Variants in CEP126 observed in about 807,000 individuals in gnomAD.
CEP126 encodes centrosomal protein 126, also known as centrosomal protein of 126 kDa.
CEP126 carries 74 observed loss-of-function variants against 107.8 expected under a neutral mutation model. The observed-to-expected ratio is 0.69, with a 90% confidence interval of 0.57 to 0.83. CEP126 has a LOEUF of 0.83. Ranked by LOEUF, CEP126 falls within the 40% of genes least tolerant of loss-of-function variation. CEP126 has a pLI of 0.00. For missense variants in CEP126, 1,237 were observed against 1,281.9 expected, an observed-to-expected ratio of 0.96 and a Z score of 0.53; for synonymous variants, 449 against 446.0, an observed-to-expected ratio of 1.01 and a Z score of -0.08.
intron 6 of CEP126, among the ~76,000 whole-genome samples, chr11:101,965,115 C>G (rs1941044226): frequency 6.6e-6 from 1 of 151,976 alleles, no homozygotes; most frequent in African/African-American, 2.4e-5. Flanking sequence ...ATGCCATTGC[C>G]CTTACTAGCT....
At chr11:101,980,152 C>T (rs1406890923) in intron 7 of CEP126, among the ~76,000 whole-genome samples, 1 of 152,054 alleles carries the variant, frequency 6.6e-6, no homozygotes, top group Non-Finnish European at 1.5e-5. Context: ...AATCACATTA[C>T]CCATATATTT....
At chr11:101,944,027 A>G (rs1409547301) in intron 2 of CEP126, among the ~76,000 whole-genome samples, 1 of 152,126 alleles carries the variant, frequency 6.6e-6, no homozygotes, top group Non-Finnish European at 1.5e-5. Context: ...CAGAAATTAG[A>G]AAGGGCTGCA....
rs1471301180 is a variant in CEP126 at position 101,921,775 on chromosome 11, T to G, written c.129-866T>G. 3.4e-4 allele frequency among the ~76,000 whole-genome samples: 48 copies of G among 142,682 alleles called. 1 individual carries two copies. The highest frequency in any genetic ancestry group is 6.9e-4 in the Non-Finnish European group (45 of 65,448). The allele number at this position is 142,682 out of a possible 152,430, so 93.6% of individuals were successfully genotyped here. Reference sequence around the variant, plus strand: ...GTCCTCTTTATCTGAAGTTCATGATTTCTTTTTTTTTTTTTTTTTTTTTTT... The same window carrying G: ...GTCCTCTTTATCTGAAGTTCATGATGTCTTTTTTTTTTTTTTTTTTTTTTT... On this transcript the variant is annotated intron_variant, in intron 1 of 10. Coordinates refer to ENST00000263468, the MANE Select transcript of CEP126 (RefSeq NM_020802.4).
At position 101,962,078 on chromosome 11, in the gene CEP126, A is replaced by G. The variant is rs780916857; in HGVS notation, c.1043A>G (p.Gln348Arg). The G allele has an allele frequency of 2.5e-6, 4 of 1,612,824 alleles. No homozygotes were observed. The highest frequency in any genetic ancestry group is 3.4e-6 in the Non-Finnish European group (4 of 1,179,466). The change falls in exon 6 of 11, where the codon CAA becomes CGA. Residue 348 changes from glutamine (Q) to arginine (R), a missense_variant. This residue lies in a region of CEP126 where 1,134 missense variants were observed against 1,150.5 expected (regional missense o/e 0.99). Coordinates refer to ENST00000263468, the MANE Select transcript of CEP126 (RefSeq NM_020802.4). ...TGGGAATATTTTAATAGTAAAGAAC[A>G]AAATCCATCTCCTTTGAATGGAACA... Reference protein sequence around the residue: ...PSWEYFNSKEQNPSPLNGTVE... With the variant: ...PSWEYFNSKERNPSPLNGTVE...
chr11:101,963,342 T>C lies in CEP126; in HGVS notation c.2307T>C (p.Phe769=). 6.2e-7 allele frequency: 1 copy of C among 1,614,076 alleles called. No homozygotes were observed. Among genetic ancestry groups the C allele is most frequent in the Non-Finnish European group, 8.5e-7 (1 of 1,180,022 alleles). Residue 769 remains phenylalanine, a synonymous_variant, in exon 6 of 11, where the codon TTT becomes TTC. Coordinates refer to ENST00000263468, the MANE Select transcript of CEP126 (RefSeq NM_020802.4). ...GATCTGCAAAAGTCCAATCAGGCTTTATATGTACAAACAGAAAAGGCGCTG... is the reference window on the plus strand; with the variant it reads ...GATCTGCAAAAGTCCAATCAGGCTTCATATGTACAAACAGAAAAGGCGCTG... ...KPGSAKVQSG[F]ICTNRKGAVI... is the part of the protein sequence containing the mutation.
chr11:101,992,812 CA>C lies in CEP126; in HGVS notation c.3284del (p.Asn1095IlefsTer5). 2 of 1,535,802 alleles carry C rather than the reference CA, an allele frequency of 1.3e-6. No individual in the cohort carries two copies. Among genetic ancestry groups the C allele is most frequent in the South Asian group, 2.6e-5 (2 of 78,310 alleles). ...AATCCATTTGCAAAAACCCATCCAT[CA>C]AAAATACTTTACAAATAATACCACT... ...QESICKNPSI[K>X]NTLQIIPLLE... is the part of the protein sequence containing the mutation. On this transcript the variant is annotated frameshift_variant, in exon 10 of 11. Coordinates refer to ENST00000263468, the MANE Select transcript of CEP126 (RefSeq NM_020802.4). LOFTEE classifies it high-confidence loss of function.
chr11:101,994,096 G>C (rs982448978), intron 10 of CEP126, among the ~76,000 whole-genome samples: 22 of 152,106 alleles, frequency 1.4e-4, no homozygotes, highest in African/African-American at 5.1e-4. Context: ...CTAGCCAGGC[G>C]TGGTGGTGTG....
chr11:101,963,325 A>G lies in CEP126; in HGVS notation c.2290A>G (p.Lys764Glu), dbSNP rs138416296. 6.8e-6 allele frequency: 11 copies of G among 1,613,896 alleles called. No individual in the cohort carries two copies. Among genetic ancestry groups the G allele is most frequent in the African/African-American group, 2.7e-5 (2 of 74,994 alleles). Reference sequence around the variant, plus strand: ...AATAATTAGAAAACCAGGATCTGCAAAAGTCCAATCAGGCTTTATATGTAC... The same window carrying G: ...AATAATTAGAAAACCAGGATCTGCAGAAGTCCAATCAGGCTTTATATGTAC... ...AKIIRKPGSA[K>E]VQSGFICTNR... Residue 764 changes from lysine to glutamate, a missense_variant, in exon 6 of 11, where the codon AAA becomes GAA. Physicochemically the swap from Lys to Glu is moderately conservative, Grantham distance 56. This residue lies in a region of CEP126 where 1,134 missense variants were observed against 1,150.5 expected (regional missense o/e 0.99). Coordinates refer to ENST00000263468, the MANE Select transcript of CEP126 (RefSeq NM_020802.4).
chr11:101,919,110 A>G (rs1167360766), intron 1 of CEP126, among the ~76,000 whole-genome samples: 1 of 152,204 alleles, frequency 6.6e-6, no homozygotes, highest in Non-Finnish European at 1.5e-5. Context: ...AAACACAATC[A>G]GATTTGCATT....
intron 9 of CEP126, among the ~76,000 whole-genome samples, chr11:101,990,185 T>C (rs1941361744): frequency 2.0e-5 from 2 of 98,290 alleles, no homozygotes; most frequent in African/African-American, 3.9e-5. Context: ...CTCAGATTCT[T>C]CTCCGTGGAT....
At chr11:101,925,914 C>T (rs1180249642) in intron 2 of CEP126, among the ~76,000 whole-genome samples, 1 of 150,618 alleles carries the variant, frequency 6.6e-6, no homozygotes, top group Non-Finnish European at 1.5e-5. Context: ...CTCGGCCTCC[C>T]AAACTGCTGG....
chr11:101,918,047 G>A (rs1183626461), intron 1 of CEP126, among the ~76,000 whole-genome samples: 1 of 152,104 alleles, frequency 6.6e-6, no homozygotes. Context: ...TGGATGCCCT[G>A]ACAGGTCTGT....
intron 2 of CEP126, among the ~76,000 whole-genome samples, chr11:101,933,994 G>A (rs982238753): frequency 2.0e-5 from 3 of 151,992 alleles, no homozygotes; most frequent in Admixed American, 6.6e-5. Flanking sequence ...AGAGGGAGGT[G>A]GAAGGTGATA....
At chr11:101,968,770 T>C (rs1043755352) in intron 6 of CEP126, among the ~76,000 whole-genome samples, 9 of 152,086 alleles carry the variant, frequency 5.9e-5, no homozygotes, top group African/African-American at 2.2e-4. Flanking sequence ...AAGATGTCAA[T>C]TGAGAGAAAT....
intron 7 of CEP126, among the ~76,000 whole-genome samples, chr11:101,980,066 G>A (rs1941238663): frequency 1.3e-5 from 2 of 152,152 alleles, no homozygotes; most frequent in South Asian, 4.1e-4. Context: ...GATTACTAAT[G>A]TGGAGAATAA....
In CEP126 at chr11:101,958,370, T is replaced by A; in HGVS notation, c.705+4T>A. The A allele has an allele frequency of 1.9e-6, 3 of 1,610,090 alleles. No individual in the cohort carries two copies. The highest frequency in any genetic ancestry group is 4.5e-5 in the East Asian group (2 of 44,820). On this transcript the variant is annotated splice_donor_region_variant and intron_variant, in intron 5 of 10. Transcript: ENST00000263468. ...TCAACATCTAAGCAATTTGCAAGTA[T>A]GAAACTATAAAAATGTTGTTAATAT...
At chr11:101,950,502 G>C (rs763310386) in intron 4 of CEP126, among the ~76,000 whole-genome samples, 1 of 152,150 alleles carries the variant, frequency 6.6e-6, no homozygotes, top group Non-Finnish European at 1.5e-5. Flanking sequence ...CCTAGCAAGG[G>C]TTTGCAATTA....
chr11:101,948,788 G>T (rs1404072301), intron 4 of CEP126, among the ~76,000 whole-genome samples: 1 of 152,144 alleles, frequency 6.6e-6, no homozygotes, highest in Non-Finnish European at 1.5e-5. Context: ...TGTATAATCT[G>T]AAAGATAAGT....
chr11:101,967,209 G>T lies in CEP126; in HGVS notation c.2845+3329G>T, dbSNP rs559536409. On this transcript the variant is annotated intron_variant, in intron 6 of 10. Coordinates refer to ENST00000263468, the MANE Select transcript of CEP126 (RefSeq NM_020802.4). ...ACTAATTTTTTTATATAGAGACAGG[G>T]TCTCCCTGTGTTACCCAGGCTGGTC... Among the ~76,000 whole-genome samples, 277 of 151,600 alleles carry T rather than the reference G, an allele frequency of 1.8e-3. 1 individual carries two copies. Among genetic ancestry groups the T allele is most frequent in the Admixed American group, 5.6e-3 (86 of 15,226 alleles).
Sources: allele counts gnomAD v4.1 joint callset (sites outside exome capture counted in the v4.1 genomes callset), GRCh38; gene constraint gnomAD v4.1.1; regional missense constraint gnomAD v4.1.1; transcripts MANE v1.5; gene names NCBI Gene and HGNC (gene_info 2026-07-23, HGNC 2026-07-21).